The following PTPRR variants were observed in gnomAD, a reference collection of about 807,000 sequenced individuals.
PTPRR encodes protein tyrosine phosphatase receptor type R.
Under a neutral mutation model 77.2 loss-of-function variants are expected in PTPRR, and 38 were observed. The ratio of observed to expected loss-of-function variants is 0.49; its 90% CI spans 0.38 to 0.65. The LOEUF (loss-of-function observed/expected upper bound fraction) is 0.65, where lower values mean the gene tolerates loss of function less well. Among genes scored for constraint, PTPRR ranks in the 30% least tolerant of loss-of-function variants. PTPRR has a pLI of 0.00. For synonymous variants in PTPRR, 299 were observed against 283.1 expected, an observed-to-expected ratio of 1.06 and a Z score of -0.57; for missense variants, 744 against 799.2, an observed-to-expected ratio of 0.93 and a Z score of 0.83.
intron 6 of PTPRR, among the ~76,000 whole-genome samples, chr12:70,734,069 G>A (rs531251560): frequency 3.9e-5 from 6 of 152,294 alleles, no homozygotes; most frequent in Non-Finnish European, 5.9e-5. Context: ...AGAACTGGTC[G>A]CTCTTAAAAT....
At chr12:70,863,652 C>T (rs1272004387) in intron 2 of PTPRR, among the ~76,000 whole-genome samples, 2 of 149,250 alleles carry the variant, frequency 1.3e-5, no homozygotes, top group African/African-American at 2.4e-5. Flanking sequence ...CCTTTTTAGT[C>T]CAAAGATTCT....
intron 1 of PTPRR, among the ~76,000 whole-genome samples, chr12:70,915,972 C>T (rs1334021857): frequency 6.6e-6 from 1 of 152,096 alleles, no homozygotes; most frequent in Non-Finnish European, 1.5e-5. Flanking sequence ...ACCTCTAATA[C>T]ATGCAATAAT....
At chr12:70,880,480 T>C (rs1893130127) in intron 2 of PTPRR, among the ~76,000 whole-genome samples, 1 of 152,162 alleles carries the variant, frequency 6.6e-6, no homozygotes, top group Non-Finnish European at 1.5e-5. Context: ...GTCCCCACTA[T>C]TTTCTCCCTG....
At chr12:70,827,007 C>G (rs932346059) in intron 2 of PTPRR, among the ~76,000 whole-genome samples, 2 of 152,170 alleles carry the variant, frequency 1.3e-5, no homozygotes, top group Non-Finnish European at 2.9e-5. Flanking sequence ...TTACAGTGGG[C>G]TCCTTCTTAT....
chr12:70,684,992 G>A, intron 8 of PTPRR: 1 of 386,548 alleles, frequency 2.6e-6, no homozygotes, highest in Non-Finnish European at 4.6e-6. Context: ...TCATCCATAA[G>A]CCTAAGCTGA....
chr12:70,887,502 G>A (rs1004360229), intron 2 of PTPRR, among the ~76,000 whole-genome samples: 3 of 152,038 alleles, frequency 2.0e-5, no homozygotes, highest in African/African-American at 7.2e-5. Flanking sequence ...TTTACTGCAG[G>A]TTGAAGTAAA....
At chr12:70,866,990 C>T (rs950881721) in intron 2 of PTPRR, among the ~76,000 whole-genome samples, 11 of 151,450 alleles carry the variant, frequency 7.3e-5, no homozygotes, top group African/African-American at 2.7e-4. Context: ...AATTCAGCAA[C>T]CCTTCATGCT....
intron 2 of PTPRR, among the ~76,000 whole-genome samples, chr12:70,783,960 C>T (rs1457740056): frequency 6.6e-6 from 1 of 152,012 alleles, no homozygotes; most frequent in Admixed American, 6.5e-5. Flanking sequence ...TCAGCCCCAA[C>T]CCTGCTCCCA....
intron 6 of PTPRR, among the ~76,000 whole-genome samples, chr12:70,726,731 C>T (rs1240573665): frequency 1.3e-5 from 2 of 151,922 alleles, no homozygotes; most frequent in Non-Finnish European, 2.9e-5. Flanking sequence ...CAGGTGTATG[C>T]CATTATGCCA....
intron 8 of PTPRR, among the ~76,000 whole-genome samples, chr12:70,693,152 T>C (rs1026225404): frequency 4.6e-5 from 7 of 152,224 alleles, no homozygotes; most frequent in African/African-American, 1.4e-4. Flanking sequence ...CCTTCAGTTT[T>C]TATAATGCCT....
At chr12:70,817,957 T>C (rs1891934340) in intron 2 of PTPRR, among the ~76,000 whole-genome samples, 1 of 152,206 alleles carries the variant, frequency 6.6e-6, no homozygotes, top group Non-Finnish European at 1.5e-5. Context: ...CTCACGCCTG[T>C]AATCCCAGCA....
chr12:70,654,134 T>G (rs906476595), intron 13 of PTPRR, among the ~76,000 whole-genome samples: 3 of 152,166 alleles, frequency 2.0e-5, no homozygotes, highest in African/African-American at 7.2e-5. Context: ...AACAAACATT[T>G]ATTGAGGGCT....
At chr12:70,704,776 GA>G (rs1332186429) in intron 6 of PTPRR, among the ~76,000 whole-genome samples, 4 of 151,466 alleles carry the variant, frequency 2.6e-5, no homozygotes, top group South Asian at 2.1e-4. Context: ...ACAGAATTTA[GA>G]AAAAAAATCA....
intron 2 of PTPRR, among the ~76,000 whole-genome samples, chr12:70,859,953 CTTTAT>C (rs923968105): frequency 6.6e-6 from 1 of 151,934 alleles, no homozygotes; most frequent in Non-Finnish European, 1.5e-5. Context: ...AATAATTCTC[CTTTAT>C]TTTTTCTTCC....
intron 2 of PTPRR, among the ~76,000 whole-genome samples, chr12:70,889,869 A>G (rs1893304848): frequency 6.6e-6 from 1 of 151,654 alleles, no homozygotes; most frequent in South Asian, 2.1e-4. Flanking sequence ...TAATCTTCCC[A>G]TTTCCATGCC....
At chr12:70,707,454 C>G (rs770298296) in intron 6 of PTPRR, among the ~76,000 whole-genome samples, 52 of 151,912 alleles carry the variant, frequency 3.4e-4, no homozygotes, top group Non-Finnish European at 6.8e-4. Flanking sequence ...TTTTCATGTC[C>G]TCAAATTTTT....
At chr12:70,746,913 T>C (rs971058828) in intron 5 of PTPRR, among the ~76,000 whole-genome samples, 1 of 152,026 alleles carries the variant, frequency 6.6e-6, no homozygotes, top group African/African-American at 2.4e-5. Context: ...TGGAAACTTT[T>C]ATACTGGTGA....
Position 70,701,330 on chromosome 12 carries a change from T to G in PTPRR, c.1008-7A>C. ...AGATACGTTGGACCCTCTTCTACAT[T>G]GGAGAAGAATGTTATGTTTAAACAC... On this transcript the variant is annotated splice_region_variant and splice_polypyrimidine_tract_variant and intron_variant, in intron 6 of 13. Coordinates refer to ENST00000283228, the MANE Select transcript of PTPRR (RefSeq NM_002849.4). 6.2e-7 allele frequency: 1 copy of G among 1,610,696 alleles called. No homozygotes were observed. Among genetic ancestry groups the G allele is most frequent in the Non-Finnish European group, 8.5e-7 (1 of 1,177,408 alleles).
At chr12:70,878,629 A>G (rs34909418) in intron 2 of PTPRR, among the ~76,000 whole-genome samples, 3,641 of 152,330 alleles carry the variant, frequency 0.024, 62 homozygotes, top group Non-Finnish European at 0.037. Flanking sequence ...GTGGAGAAAT[A>G]GGAACACTTT....
Sources: allele counts gnomAD v4.1 joint callset (sites outside exome capture counted in the v4.1 genomes callset), GRCh38; gene constraint gnomAD v4.1.1; transcripts MANE v1.5; gene names NCBI Gene and HGNC (gene_info 2026-07-23, HGNC 2026-07-21).